MCUB: variants seen among roughly 807,000 people sequenced by gnomAD.
MCUB encodes mitochondrial calcium uniporter dominant negative subunit beta.
A neutral mutation model predicts 41.4 loss-of-function variants in MCUB; 46 were observed. That is an observed-to-expected ratio of 1.11 (90% CI 0.88 to 1.42). The LOEUF is 1.42. MCUB is among the 40% of genes most tolerant of loss of function. The probability of loss-of-function intolerance (pLI) is 0.00; values close to 1 mark genes in which losing one functional copy is unlikely to be tolerated. For missense variants in MCUB, 403 were observed against 404.9 expected (o/e 1.00, Z 0.04); for synonymous variants, 148 against 148.2 (o/e 1.00, Z 0.01).
chr4:109,659,199 C>T (rs527411669), intron 2 of MCUB, 113 bp downstream of exon 2: 1 of 672,524 alleles, frequency 1.5e-6, no homozygotes, highest in South Asian at 1.8e-5. Flanking sequence ...ATCCCCATCC[C>T]ACCCCACCCT....
At chr4:109,656,011 G>T (rs1729088191) in intron 1 of MCUB, among the ~76,000 whole-genome samples, 1 of 152,102 alleles carries the variant, frequency 6.6e-6, no homozygotes, top group Non-Finnish European at 1.5e-5. Flanking sequence ...CCTTCTTTCA[G>T]CATCTTCTGG....
intron 1 of MCUB, among the ~76,000 whole-genome samples, chr4:109,637,003 G>T: frequency 6.6e-6 from 1 of 152,168 alleles, no homozygotes; most frequent in Admixed American, 6.5e-5. Context: ...ATTGCAATGG[G>T]TCAGGAATGT....
At chr4:109,660,589 G>C (rs1395945646) in intron 3 of MCUB, among the ~76,000 whole-genome samples, 1 of 152,114 alleles carries the variant, frequency 6.6e-6, no homozygotes, top group African/African-American at 2.4e-5. Flanking sequence ...GGCCGAGTCA[G>C]GCGGATCACC....
At chr4:109,568,356 C>G (rs115411193) in intron 1 of MCUB, among the ~76,000 whole-genome samples, 2 of 152,090 alleles carry the variant, frequency 1.3e-5, no homozygotes, top group Non-Finnish European at 2.9e-5. Flanking sequence ...TGCAGTTGAA[C>G]CAGAGCCATG....
intron 1 of MCUB, among the ~76,000 whole-genome samples, chr4:109,619,431 G>A (rs1728205050): frequency 6.6e-6 from 1 of 152,114 alleles, no homozygotes; most frequent in East Asian, 1.9e-4. Context: ...ACAAAGGCTG[G>A]GCGTGGTGGC....
chr4:109,654,231 T>G (rs1382922032), intron 1 of MCUB, among the ~76,000 whole-genome samples: 1 of 152,202 alleles, frequency 6.6e-6, no homozygotes, highest in Non-Finnish European at 1.5e-5. Flanking sequence ...TAATTTTATA[T>G]TGCTTCCAAC....
intron 1 of MCUB, among the ~76,000 whole-genome samples, chr4:109,577,598 C>CTTTTTTTTTTTTTTTTTTTT (rs71594195): frequency 4.1e-5 from 2 of 48,662 alleles, no homozygotes; most frequent in African/African-American, 1.6e-4. Flanking sequence ...TACTTGAATT[C>CTTTTTTTTTTTTTTTTTTTT]TTTTTTTTTT....
chr4:109,605,289 C>T (rs1289764264), intron 1 of MCUB, among the ~76,000 whole-genome samples: 2 of 152,156 alleles, frequency 1.3e-5, no homozygotes, highest in Non-Finnish European at 2.9e-5. Flanking sequence ...CACTGACTCA[C>T]TGGTCATTCA....
chr4:109,598,791 T>C (rs1425370460), intron 1 of MCUB, among the ~76,000 whole-genome samples: 3 of 152,338 alleles, frequency 2.0e-5, no homozygotes, highest in African/African-American at 7.2e-5. Context: ...AAAATACATA[T>C]ATGCAGTTGT....
At chr4:109,654,590 G>A (rs755581346) in intron 1 of MCUB, among the ~76,000 whole-genome samples, 1 of 151,756 alleles carries the variant, frequency 6.6e-6, no homozygotes, top group Admixed American at 6.6e-5. Context: ...CAGCCTGGGC[G>A]ACAGAGCAAG....
intron 1 of MCUB, among the ~76,000 whole-genome samples, chr4:109,603,051 T>C (rs545592993): frequency 6.6e-6 from 1 of 152,320 alleles, no homozygotes; most frequent in East Asian, 1.9e-4. Flanking sequence ...TCTGCAACTT[T>C]ATGAAATTTA....
intron 4 of MCUB, among the ~76,000 whole-genome samples, chr4:109,677,988 G>A (rs1331999237): frequency 6.6e-6 from 1 of 151,678 alleles, no homozygotes; most frequent in Non-Finnish European, 1.5e-5. Flanking sequence ...TTGTGTCCCT[G>A]GGTACTTGAG....
chr4:109,623,024 A>C (rs1728287128), intron 1 of MCUB, among the ~76,000 whole-genome samples: 1 of 152,158 alleles, frequency 6.6e-6, no homozygotes, highest in Admixed American at 6.5e-5. Flanking sequence ...GCTTCTGGTG[A>C]GAAGAAGAGG....
At chr4:109,653,162 G>A (rs1441936207) in intron 1 of MCUB, among the ~76,000 whole-genome samples, 1 of 152,084 alleles carries the variant, frequency 6.6e-6, no homozygotes, top group Non-Finnish European at 1.5e-5. Flanking sequence ...GGATCGCGAG[G>A]TTAGGAGTTC....
In MCUB at chr4:109,620,234, CAAA is replaced by C. The variant is rs1333330982; in HGVS notation, c.100-38775_100-38773del. Among the ~76,000 whole-genome samples the C allele has an allele frequency of 1.7e-4, 26 of 152,058 alleles. 1 individual carries two copies. The South Asian group carries it at 5.4e-3, about 32-fold the overall frequency. On this transcript the variant is annotated intron_variant, in intron 1 of 7. Coordinates refer to ENST00000394650, the MANE Select transcript of MCUB (RefSeq NM_017918.5). ...AATGTAAATTTAAATTCTGATATCC[CAAA>C]ACAGGTTTTCAGAGGAGCAAATCCA... is the stretch of plus-strand genomic sequence containing the variant.
At chr4:109,581,016 T>C (rs868085586) in intron 1 of MCUB, among the ~76,000 whole-genome samples, 1 of 152,128 alleles carries the variant, frequency 6.6e-6, no homozygotes, top group Non-Finnish European at 1.5e-5. Context: ...CTTCAAAGAA[T>C]TGGAAAAAAG....
chr4:109,628,260 A>G (rs1232689588), intron 1 of MCUB, among the ~76,000 whole-genome samples: 1 of 152,226 alleles, frequency 6.6e-6, no homozygotes, highest in African/African-American at 2.4e-5. Flanking sequence ...GTATGTAAGG[A>G]ATACATTAGA....
chr4:109,571,452 A>G lies in MCUB; in HGVS notation c.99+11016A>G, dbSNP rs370494554. Reference sequence around the variant, plus strand: ...CTCAGCCTCCTGAGTAGCTGGGACTATAGGCACACGCCATCCTGCCCAGCT... The same window carrying G: ...CTCAGCCTCCTGAGTAGCTGGGACTGTAGGCACACGCCATCCTGCCCAGCT... On this transcript the variant is annotated intron_variant, in intron 1 of 7. Transcript: ENST00000394650. 4.1e-3 allele frequency among the ~76,000 whole-genome samples: 620 copies of G among 152,264 alleles called. 4 individuals are homozygous for G. The highest frequency in any genetic ancestry group is 0.014 in the African/African-American group (576 of 41,554).
chr4:109,586,029 C>T (rs980179076), intron 1 of MCUB, among the ~76,000 whole-genome samples: 1 of 152,150 alleles, frequency 6.6e-6, no homozygotes, highest in African/African-American at 2.4e-5. Context: ...GGATAATATC[C>T]TAAAGAGTGT....
Sources: gnomAD v4.1 joint callset for allele counts (sites outside exome capture counted in the v4.1 genomes callset) on GRCh38, gnomAD v4.1.1 for gene constraint, MANE v1.5 for transcripts, NCBI Gene and HGNC (gene_info 2026-07-23, HGNC 2026-07-21) for gene names.